Variants in CSMD1 observed in about 807,000 individuals in gnomAD.
CSMD1 encodes CUB and Sushi multiple domains 1.
Under a neutral mutation model 417.5 loss-of-function variants are expected in CSMD1, and 213 were observed. The ratio of observed to expected loss-of-function variants is 0.51; its 90% CI spans 0.46 to 0.57. The LOEUF (loss-of-function observed/expected upper bound fraction) is 0.57, where lower values mean the gene tolerates loss of function less well. CSMD1 is among the 20% of genes least tolerant of loss of function. The pLI is 0.00. For synonymous variants in CSMD1, 2,862 were observed against 1,736.8 expected, an observed-to-expected ratio of 1.65 and a Z score of -16.11; for missense variants, 6,923 against 4,529.7, an observed-to-expected ratio of 1.53 and a Z score of -15.17.
intron 7 of CSMD1, chr8:3,702,036 G>A (rs999098971): frequency 6.6e-6 from 1 of 152,116 alleles, no homozygotes; most frequent in Non-Finnish European, 1.5e-5. Context: ...AAAGAGCAAG[G>A]AAGTGAACGT....
At chr8:4,072,509 G>T (rs1799612812) in intron 3 of CSMD1, among the ~76,000 whole-genome samples, 1 of 152,144 alleles carries the variant, frequency 6.6e-6, no homozygotes, top group Non-Finnish European at 1.5e-5. Flanking sequence ...CCATGCAATT[G>T]CTGAAAGCTC....
intron 3 of CSMD1, among the ~76,000 whole-genome samples, chr8:4,080,934 G>T (rs1800096560): frequency 6.6e-6 from 1 of 152,084 alleles, no homozygotes; most frequent in South Asian, 2.1e-4. Flanking sequence ...AGGTGATTAG[G>T]CTCTGGGGAC....
At chr8:3,749,447 G>T (rs2623722) in intron 6 of CSMD1, among the ~76,000 whole-genome samples, 136,409 of 152,256 alleles carry the variant, frequency 0.9, 61,127 homozygotes, top group South Asian at 0.93. Flanking sequence ...ATGACTTGAT[G>T]ATATAATTGG....
intron 2 of CSMD1, among the ~76,000 whole-genome samples, chr8:4,443,981 A>C (rs1158830296): frequency 6.6e-6 from 1 of 152,124 alleles, no homozygotes; most frequent in Non-Finnish European, 1.5e-5. Context: ...ATGAGGTGAA[A>C]ATGTACAAAC....
intron 1 of CSMD1, among the ~76,000 whole-genome samples, chr8:4,764,882 A>AAAAAAAAAAAAAAAACAAAACAAAAC (rs1203176116): frequency 1.1e-4 from 5 of 47,550 alleles, no homozygotes; most frequent in African/African-American, 3.8e-4. Context: ...CAAAAAAAAA[A>AAAAAAAAAAAAAAAACAAAACAAAAC]AAAAAAAAAA....
intron 2 of CSMD1, among the ~76,000 whole-genome samples, chr8:4,446,754 TC>T (rs1798825155): frequency 3.2e-5 from 3 of 93,092 alleles, no homozygotes; most frequent in African/African-American, 4.5e-5. Context: ...TGTGTGTGTG[TC>T]TGTGTGTGTG....
intron 11 of CSMD1, among the ~76,000 whole-genome samples, chr8:3,483,961 G>C (rs368128426): frequency 1.3e-5 from 2 of 152,174 alleles, no homozygotes; most frequent in African/African-American, 4.8e-5. Context: ...TGAGCTGAAA[G>C]ATTTAACATA....
chr8:4,095,755 T>C (rs1665448755), intron 3 of CSMD1, among the ~76,000 whole-genome samples: 2 of 152,248 alleles, frequency 1.3e-5, no homozygotes, highest in African/African-American at 4.8e-5. Context: ...TTTCTCTACA[T>C]AGTCCTATTA....
chr8:3,459,096 A>C (rs922829623), intron 12 of CSMD1, among the ~76,000 whole-genome samples: 1 of 152,232 alleles, frequency 6.6e-6, no homozygotes, highest in Non-Finnish European at 1.5e-5. Context: ...GGATGGGCAC[A>C]GGATGGCAAG....
chr8:2,946,230 G>A (rs149478910), intron 68 of CSMD1, among the ~76,000 whole-genome samples: 2 of 152,302 alleles, frequency 1.3e-5, no homozygotes, highest in Admixed American at 6.5e-5. Flanking sequence ...GTCATTATGC[G>A]ATGCGTGACT....
intron 2 of CSMD1, among the ~76,000 whole-genome samples, chr8:4,464,884 G>GT (rs1238159385): frequency 6.6e-6 from 1 of 152,038 alleles, no homozygotes; most frequent in Non-Finnish European, 1.5e-5. Flanking sequence ...TTTTTTATTA[G>GT]TTTTTATTAG....
intron 10 of CSMD1, among the ~76,000 whole-genome samples, chr8:3,567,014 T>A (rs1563160594): frequency 6.6e-6 from 1 of 152,194 alleles, no homozygotes. Context: ...AGAAAATACA[T>A]GGAGTCAACC....
At chr8:3,007,261 A>C (rs1179416471) in intron 52 of CSMD1, among the ~76,000 whole-genome samples, 2 of 151,478 alleles carry the variant, frequency 1.3e-5, no homozygotes, top group African/African-American at 2.5e-5. Flanking sequence ...GATCATTAAA[A>C]AGTCAGGAAA....
At chr8:4,928,451 G>A (rs185771507) in intron 1 of CSMD1, among the ~76,000 whole-genome samples, 78 of 152,272 alleles carry the variant, frequency 5.1e-4, no homozygotes, top group Admixed American at 2.2e-3. Context: ...TGTTCCAAGT[G>A]CACCATAGGG....
intron 64 of CSMD1, 49 bp from the exon 65 acceptor site, chr8:2,954,317 G>A (rs1437240757): frequency 3.4e-6 from 4 of 1,165,278 alleles, no homozygotes; most frequent in Non-Finnish European, 3.6e-6. Flanking sequence ...ATTTATTTTT[G>A]AGTAAGTTTG....
chr8:3,658,053 C>G (rs79029703), intron 7 of CSMD1, among the ~76,000 whole-genome samples: 2 of 152,118 alleles, frequency 1.3e-5, no homozygotes, highest in Non-Finnish European at 2.9e-5. Context: ...CAGAGCATAA[C>G]AGCGTCAGCC....
chr8:3,896,838 A>G (rs1017548744), intron 5 of CSMD1, among the ~76,000 whole-genome samples: 1 of 152,084 alleles, frequency 6.6e-6, no homozygotes, highest in Admixed American at 6.6e-5. Context: ...TGAACCAAAA[A>G]TAAATGTCAG....
chr8:4,732,595 G>C (rs1253361725), intron 1 of CSMD1, among the ~76,000 whole-genome samples: 1 of 152,022 alleles, frequency 6.6e-6, no homozygotes, highest in Non-Finnish European at 1.5e-5. Context: ...CTGCTTTCAT[G>C]ACCACCCCAG....
chr8:3,581,741 C>T (rs1256192325), intron 9 of CSMD1, among the ~76,000 whole-genome samples: 1 of 152,126 alleles, frequency 6.6e-6, no homozygotes, highest in Non-Finnish European at 1.5e-5. Flanking sequence ...CGATCATTAT[C>T]AGGCCACCTT....
Sources: allele counts gnomAD v4.1 joint callset (sites outside exome capture counted in the v4.1 genomes callset), GRCh38; gene constraint gnomAD v4.1.1; transcripts MANE v1.5; gene names NCBI Gene and HGNC (gene_info 2026-07-23, HGNC 2026-07-21).